TMCO5A: variants seen among roughly 807,000 people sequenced by gnomAD.
The protein encoded by TMCO5A is transmembrane and coiled-coil domain-containing protein 5A.
Under a neutral mutation model 42.3 loss-of-function variants are expected in TMCO5A, and 34 were observed. The observed-to-expected ratio is 0.80, with a 90% CI of 0.61 to 1.07. The LOEUF is 1.07. Ranked by LOEUF, TMCO5A falls within the 50% of genes least tolerant of loss-of-function variation. The pLI, the probability that TMCO5A is intolerant of heterozygous loss-of-function variation, is 0.00. For missense variants in TMCO5A, 357 were observed against 327.9 expected, an observed-to-expected ratio of 1.09 and a Z score of -0.69; for synonymous variants, 131 against 115.6, an observed-to-expected ratio of 1.13 and a Z score of -0.86.
At chr15:37,974,058 C>G in the TMCO5A span, among the ~76,000 whole-genome samples, 2 of 152,064 alleles carry the variant, frequency 1.3e-5, no homozygotes, top group African/African-American at 4.8e-5. Flanking sequence ...TGTGATGAAT[C>G]ACATTTATTG....
At chr15:38,010,385 A>C in the TMCO5A span, among the ~76,000 whole-genome samples, 1 of 127,496 alleles carries the variant, frequency 7.8e-6, no homozygotes, top group Admixed American at 7.6e-5. Context: ...TCCGTCTCCA[A>C]AAAAAAAAAA....
intron 3 of TMCO5A, 74 bp downstream of exon 3, chr15:37,936,537 T>C (rs775992842): frequency 6.6e-7 from 1 of 1,524,224 alleles, no homozygotes; most frequent in Non-Finnish European, 8.8e-7. Flanking sequence ...AAACTGAATT[T>C]TCCTGCTTGT....
At chr15:38,034,055 T>C in the TMCO5A span, among the ~76,000 whole-genome samples, 1 of 152,194 alleles carries the variant, frequency 6.6e-6, no homozygotes, top group African/African-American at 2.4e-5. Context: ...ATATTCAGTG[T>C]CTGGTGGAAG....
intron 2 of TMCO5A, 71 bp from the exon 3 acceptor site, chr15:37,936,242 AC>A: frequency 1.3e-6 from 2 of 1,523,046 alleles, no homozygotes; most frequent in South Asian, 2.6e-5. Context: ...TGTTCTAAAT[AC>A]CCTTTTTGGC....
chr15:37,973,565 G>T, the TMCO5A span, among the ~76,000 whole-genome samples: 1 of 151,954 alleles, frequency 6.6e-6, no homozygotes, highest in African/African-American at 2.4e-5. Flanking sequence ...TCCTGATTTG[G>T]CTCTCGGCTT....
chr15:37,946,149 G>A (rs1396969587), intron 10 of TMCO5A, among the ~76,000 whole-genome samples: 1 of 152,014 alleles, frequency 6.6e-6, no homozygotes, highest in Non-Finnish European at 1.5e-5. Flanking sequence ...GTTTGTTTTT[G>A]TCAGGTTTAT....
chr15:37,963,811 C>T (rs1264593488), intron 11 of TMCO5A, among the ~76,000 whole-genome samples: 2 of 152,170 alleles, frequency 1.3e-5, no homozygotes, highest in Admixed American at 1.3e-4. Context: ...CAATGTCCCT[C>T]TTTCTCTTTT....
At chr15:37,990,508 A>G in the TMCO5A span, among the ~76,000 whole-genome samples, 1 of 152,086 alleles carries the variant, frequency 6.6e-6, no homozygotes, top group African/African-American at 2.4e-5. Context: ...CTCTGGATCT[A>G]AAGTGAATTG....
the TMCO5A span, among the ~76,000 whole-genome samples, chr15:37,991,042 C>A: frequency 1.3e-5 from 2 of 151,988 alleles, no homozygotes; most frequent in African/African-American, 2.4e-5. Context: ...AGTTACAAAT[C>A]AAAGTTTCCA....
chr15:38,029,734 G>A, the TMCO5A span, among the ~76,000 whole-genome samples: 1 of 152,174 alleles, frequency 6.6e-6, no homozygotes, highest in African/African-American at 2.4e-5. Flanking sequence ...ACAGGTGTGC[G>A]CCACCATGCC....
chr15:37,964,388 T>A (rs745829941), intron 11 of TMCO5A, among the ~76,000 whole-genome samples: 21 of 152,216 alleles, frequency 1.4e-4, no homozygotes, highest in Non-Finnish European at 2.2e-4. Flanking sequence ...ACCAACACAG[T>A]ATTTGGGGTG....
intron 11 of TMCO5A, 80 bp downstream of exon 11, chr15:37,947,776 A>G: frequency 1.1e-6 from 1 of 937,896 alleles, no homozygotes; most frequent in South Asian, 1.4e-5. Flanking sequence ...AAAAGTCTAG[A>G]CAAGGAGAGC....
intron 7 of TMCO5A, 136 bp downstream of exon 7, chr15:37,941,341 A>G: frequency 1.2e-6 from 1 of 853,234 alleles, no homozygotes. Flanking sequence ...GGAGGGGTAA[A>G]GAAAAGGAAG....
chr15:38,023,745 T>C, the TMCO5A span, among the ~76,000 whole-genome samples: 3 of 152,214 alleles, frequency 2.0e-5, no homozygotes, highest in African/African-American at 7.2e-5. Flanking sequence ...GATTGATCTC[T>C]ACCTCACACC....
chr15:37,957,229 A>G (rs1005688989), intron 11 of TMCO5A, among the ~76,000 whole-genome samples: 1 of 152,280 alleles, frequency 6.6e-6, no homozygotes, highest in Admixed American at 6.5e-5. Context: ...TAGTATTGGA[A>G]GTTCTGGCCA....
At chr15:38,035,692 T>A in the TMCO5A span, among the ~76,000 whole-genome samples, 1 of 152,222 alleles carries the variant, frequency 6.6e-6, no homozygotes, top group African/African-American at 2.4e-5. Flanking sequence ...GCATTTACCC[T>A]TTAGTTCCTT....
chr15:38,038,531 G>A, the TMCO5A span, among the ~76,000 whole-genome samples: 6 of 150,920 alleles, frequency 4.0e-5, no homozygotes, highest in Non-Finnish European at 8.8e-5. Context: ...TCAGCCTCCC[G>A]AGTAGCTGGG....
chr15:37,947,048 A>G (rs1332232316), intron 10 of TMCO5A, among the ~76,000 whole-genome samples: 1 of 152,042 alleles, frequency 6.6e-6, no homozygotes, highest in Non-Finnish European at 1.5e-5. Flanking sequence ...GTTTATTGAG[A>G]GTTTTTAAAA....
the TMCO5A span, among the ~76,000 whole-genome samples, chr15:38,028,364 G>A: frequency 3.3e-5 from 5 of 152,174 alleles, no homozygotes; most frequent in Admixed American, 2.6e-4. Context: ...ATAGGAAACA[G>A]ACTGTGCAAG....
Sources: gnomAD v4.1 joint callset for allele counts (sites outside exome capture counted in the v4.1 genomes callset) on GRCh38, gnomAD v4.1.1 for gene constraint, MANE v1.5 for transcripts, NCBI Gene and HGNC (gene_info 2026-07-23, HGNC 2026-07-21) for gene names.